PTPRF: variants seen among roughly 807,000 people sequenced by gnomAD.
The protein encoded by PTPRF is protein tyrosine phosphatase receptor type F.
A neutral mutation model predicts 201.8 loss-of-function variants in PTPRF; 59 were observed. That is an observed-to-expected ratio of 0.29 (90% confidence interval 0.24 to 0.36). PTPRF has a LOEUF of 0.36. Among genes scored for constraint, PTPRF ranks in the 10% least tolerant of loss-of-function variants. PTPRF has a pLI of 1.00. For missense variants in PTPRF, 2,132 were observed against 2,690.5 expected (o/e 0.79, Z 4.59); for synonymous variants, 1,088 against 1,089.7 (o/e 1.00, Z 0.03).
At chr1:43,616,910 G>C (rs1006487096) in intron 23 of PTPRF, among the ~76,000 whole-genome samples, 1 of 152,152 alleles carries the variant, frequency 6.6e-6, no homozygotes, top group South Asian at 2.1e-4. Context: ...GGAGCTCTGC[G>C]TCCTGCCCAC....
chr1:43,530,314 G>C (rs1448874148), upstream of PTPRF, among the ~76,000 whole-genome samples: 1 of 152,014 alleles, frequency 6.6e-6, no homozygotes, highest in Non-Finnish European at 1.5e-5. This position sits in a 1 kb window ranked among gnomAD's most constrained non-coding sequence, Gnocchi z 4.1. Context: ...GGTAGCTTTT[G>C]GACTTTAGGG....
In PTPRF at chr1:43,603,544, G is replaced by A. The variant is rs1334271535; in HGVS notation, c.2458+11G>A. On this transcript the variant is annotated intron_variant, in intron 15 of 33. Transcript: ENST00000359947. The surrounding 1 kb of genome is among the most constrained non-coding windows in gnomAD (Gnocchi z 5.8). ...CTACAACAGGTGCAGGTGAGTGAGG[G>A]GTCAGGACGGACCTGAGGGTGGGGC... The A allele has an allele frequency of 1.9e-6, 3 of 1,613,470 alleles. No homozygotes were observed. The highest frequency in any genetic ancestry group is 2.2e-5 in the East Asian group (1 of 44,878).
Position 43,603,741 on chromosome 1 carries a change from G to C in PTPRF, c.2589G>C (p.Ala863=), listed in dbSNP as rs372289586. 1 of 1,613,760 alleles carries C rather than the reference G, an allele frequency of 6.2e-7. No homozygotes were observed. The highest frequency in any genetic ancestry group is 1.3e-5 in the African/African-American group (1 of 74,928). ...TGCAGTACTGCCGGGCCGACGAGGCGCGGCCCAACACCATAGATTTCGGCA... is the reference window on the plus strand; with the variant it reads ...TGCAGTACTGCCGGGCCGACGAGGCCCGGCCCAACACCATAGATTTCGGCA... ...YRLQYCRADE[A]RPNTIDFGKD... Residue 863 remains alanine, a synonymous_variant, in exon 16 of 34, where the codon GCG becomes GCC. Coordinates refer to ENST00000359947, the MANE Select transcript of PTPRF (RefSeq NM_002840.5). The surrounding 1 kb of genome is among the most constrained non-coding windows in gnomAD (Gnocchi z 5.8).
At chr1:43,534,910 T>A (rs1425253677) in intron 1 of PTPRF, among the ~76,000 whole-genome samples, 1 of 152,200 alleles carries the variant, frequency 6.6e-6, no homozygotes, top group Non-Finnish European at 1.5e-5. Flanking sequence ...GTCAAATGAT[T>A]ATAATAAAAA....
chr1:43,560,289 A>G (rs1645715425), intron 5 of PTPRF, among the ~76,000 whole-genome samples: 2 of 150,562 alleles, frequency 1.3e-5, no homozygotes, highest in South Asian at 2.1e-4. Flanking sequence ...AACAGGCACT[A>G]TATTTGTGCA....
intron 7 of PTPRF, among the ~76,000 whole-genome samples, chr1:43,583,445 G>A (rs1312354892): frequency 1.3e-5 from 2 of 152,228 alleles, no homozygotes. Context: ...AGGAATGGTT[G>A]TGGGGGGCTG....
At position 43,619,148 on chromosome 1, in the gene PTPRF, G is replaced by A. The variant is rs70937045; in HGVS notation, c.4592G>A (p.Arg1531Gln). ...CCAACTCCCATCCTGGCCTTCCTAC[G>A]ACGGGTCAAGGCCTGCAACCCCCTA... Reference protein sequence around the residue: ...EYPTPILAFLRRVKACNPLDA... With the variant: ...EYPTPILAFLQRVKACNPLDA... The change falls in exon 27 of 34, where the codon CGA (arginine) becomes CAA (glutamine). Residue 1531 changes from arginine to glutamine, a missense_variant. Coordinates refer to ENST00000359947, the MANE Select transcript of PTPRF (RefSeq NM_002840.5). 3.0e-4 allele frequency: 487 copies of A among 1,613,290 alleles called. 7 individuals carry two copies. The East Asian group carries it at 7.4e-3, about 24-fold the overall frequency.
At chr1:43,618,049 T>C in intron 25 of PTPRF, 138 bp downstream of exon 25, 1 of 908,998 alleles carries the variant, frequency 1.1e-6, no homozygotes, top group Non-Finnish European at 1.6e-6. Context: ...TTACTGGGGG[T>C]ATTATGCTCC....
intron 31 of PTPRF, 90 bp from the exon 32 acceptor site, chr1:43,620,748 G>A: frequency 6.5e-7 from 1 of 1,531,830 alleles, no homozygotes; most frequent in Non-Finnish European, 8.9e-7. Flanking sequence ...ACAGATGCAT[G>A]CCTGTATCAT....
Position 43,601,105 on chromosome 1 carries a change from C to T in PTPRF, c.2314-966C>T, listed in dbSNP as rs866305650. Among the ~76,000 whole-genome samples, 162 of 152,322 alleles carry T rather than the reference C, an allele frequency of 1.1e-3. 2 individuals are homozygous for T. The highest frequency in any genetic ancestry group is 3.8e-3 in the African/African-American group (159 of 41,570). ...GCAAGGACTTTCCAACAGAGTGTCC[C>T]AGGACAGGAGGAACTTAGGCCACCC... On this transcript the variant is annotated intron_variant, in intron 13 of 33. Coordinates refer to ENST00000359947, the MANE Select transcript of PTPRF (RefSeq NM_002840.5).
At chr1:43,597,205 C>T (rs1652513353) in intron 11 of PTPRF, among the ~76,000 whole-genome samples, 1 of 151,866 alleles carries the variant, frequency 6.6e-6, no homozygotes, top group South Asian at 2.1e-4. Context: ...ATGTGTGAGA[C>T]CGTATGAGAC....
At chr1:43,618,824 C>CG (rs921307764) in intron 26 of PTPRF, 75 bp downstream of exon 26, 8 of 1,554,234 alleles carry the variant, frequency 5.1e-6, no homozygotes, top group African/African-American at 2.7e-5. Context: ...TGTGCTGGGT[C>CG]GGGGGGAAGC....
chr1:43,561,965 C>T (rs1219167787), intron 5 of PTPRF, among the ~76,000 whole-genome samples: 5 of 152,222 alleles, frequency 3.3e-5, no homozygotes, highest in Non-Finnish European at 7.3e-5. Flanking sequence ...TACGTGTTCC[C>T]TAGCCTCATG....
At chr1:43,524,190 T>C (rs554303852), upstream of PTPRF, among the ~76,000 whole-genome samples, 1 of 152,066 alleles carries the variant, frequency 6.6e-6, no homozygotes, top group East Asian at 1.9e-4. Flanking sequence ...TACAGGTTGG[T>C]ATAATGGACT....
At chr1:43,611,722 A>C (rs925634504) in intron 22 of PTPRF, among the ~76,000 whole-genome samples, 5 of 152,222 alleles carry the variant, frequency 3.3e-5, no homozygotes, top group African/African-American at 1.2e-4. Flanking sequence ...GAAAGGTGGC[A>C]GTGGGAACAG....
At chr1:43,581,365 A>G (rs911174844) in intron 7 of PTPRF, among the ~76,000 whole-genome samples, 3 of 152,180 alleles carry the variant, frequency 2.0e-5, no homozygotes, top group Non-Finnish European at 2.9e-5. Context: ...TCACACACAC[A>G]TACGACGTTC....
intron 22 of PTPRF, chr1:43,612,649 C>T (rs911141622): frequency 1.2e-5 from 11 of 918,770 alleles, no homozygotes; most frequent in East Asian, 1.2e-4. Context: ...GCCAGCCCCT[C>T]GCAAGCCCGC....
At chr1:43,558,695 C>T (rs985892818) in intron 5 of PTPRF, among the ~76,000 whole-genome samples, 7 of 152,230 alleles carry the variant, frequency 4.6e-5, no homozygotes, top group Non-Finnish European at 7.3e-5. Context: ...CCCCTCCAAC[C>T]CGCCCGCTGC....
chr1:43,615,941 G>C (rs546516710), intron 23 of PTPRF, among the ~76,000 whole-genome samples: 1 of 152,218 alleles, frequency 6.6e-6, no homozygotes, highest in Non-Finnish European at 1.5e-5. Flanking sequence ...TGGGGATGTG[G>C]AGACACATGC....
Sources: allele counts gnomAD v4.1 joint callset (sites outside exome capture counted in the v4.1 genomes callset), GRCh38; gene constraint gnomAD v4.1.1; non-coding constraint Gnocchi (gnomAD v3.1); transcripts MANE v1.5; gene names NCBI Gene and HGNC (gene_info 2026-07-23, HGNC 2026-07-21).